Variants in SF1 observed in about 807,000 individuals in gnomAD.
SF1 encodes branch point-binding protein.
Under a neutral mutation model 62.5 loss-of-function variants are expected in SF1, and 7 were observed. That is an observed-to-expected ratio of 0.11 (90% CI 0.06 to 0.21). The LOEUF (loss-of-function observed/expected upper bound fraction) is 0.21. Among genes scored for constraint, SF1 ranks in the 10% least tolerant of loss-of-function variants. SF1 has a pLI of 1.00. For synonymous variants in SF1, 394 were observed against 323.6 expected (o/e 1.22, Z -2.33); for missense variants, 578 against 884.0 (o/e 0.65, Z 4.39).
At chr11:64,766,624 C>G (rs2058691383) in intron 12 of SF1, 1 of 429,312 alleles carries the variant, frequency 2.3e-6, no homozygotes, top group Non-Finnish European at 4.1e-6. Flanking sequence ...GCTCACTCAG[C>G]CTGCGAGGGT....
rs1410215543 is a variant in SF1 at position 64,776,436 on chromosome 11, A to G, written c.160+62T>C. The G allele has an allele frequency of 3.9e-6, 6 of 1,538,948 alleles. No homozygotes were observed. The East Asian group carries it at 1.1e-4, about 29-fold the overall frequency. ...AATCTCAAACTTTCAAAAAATGCAG[A>G]TCTTGCTCAGAATAAATCGTAACAA... On this transcript the variant is annotated intron_variant, in intron 2 of 12. Transcript: ENST00000377390.
rs1938516412 is a variant in SF1, at chr11:64,772,653, T to TA, written c.236+776dup. On this transcript the variant is annotated intron_variant, in intron 3 of 12. Transcript: ENST00000377390. ...GGGAGAGACTTACTGCCCTTCTAAT[T>TA]AAATGACCAATTTTAGCTGTTCAAT... is the stretch of plus-strand genomic sequence containing the variant. 3.0e-6 allele frequency: 3 copies of TA among 985,278 alleles called. No homozygotes were observed. The African/African-American group carries it at 5.2e-5, about 17-fold the overall frequency. The allele number at this position is 985,278 out of a possible 1,614,324, so 61.0% of individuals were successfully genotyped here.
chr11:64,774,921 A>T (rs1938922126), intron 2 of SF1, among the ~76,000 whole-genome samples: 1 of 150,500 alleles, frequency 6.6e-6, no homozygotes, highest in African/African-American at 2.5e-5. Context: ...AGATCGCACC[A>T]CTACACTCCA....
chr11:64,767,347 T>C (rs1206894630), intron 10 of SF1, 96 bp from the exon 11 acceptor site: 1 of 1,285,470 alleles, frequency 7.8e-7, no homozygotes, highest in African/African-American at 1.5e-5. Context: ...TTACGCGAGT[T>C]CTGAAAACCA....
In SF1 at chr11:64,765,249, C is replaced by T; in HGVS notation, c.*569G>A. On this transcript the variant is annotated 3_prime_UTR_variant, in exon 13 of 13. Transcript: ENST00000377390. ...GAAGGGAAAGGAATCTAAATTGCAG[C>T]AGAAGACCGGGGAGAGCATCTCCTT... 2 of 488,308 alleles carry T rather than the reference C, an allele frequency of 4.1e-6. No individual in the cohort carries two copies. Among genetic ancestry groups the T allele is most frequent in the East Asian group, 6.8e-5 (2 of 29,620 alleles). 30.2% of individuals were successfully genotyped at this position (488,308 alleles called of 1,614,324 possible).
intron 1 of SF1, chr11:64,777,903 A>G (rs573202326): frequency 1.3e-5 from 12 of 946,492 alleles, no homozygotes; most frequent in Admixed American, 6.4e-5. Context: ...TGCCGCGTGC[A>G]GCCGCCGTCG....
In SF1 at chr11:64,778,502, C is replaced by CGCGGATCT. The variant is rs1939793047; in HGVS notation, c.-111_-110insAGATCCGC. 10 of 1,191,874 alleles carry CGCGGATCT rather than the reference C, an allele frequency of 8.4e-6. No individual in the cohort carries two copies. Among genetic ancestry groups the CGCGGATCT allele is most frequent in the Non-Finnish European group, 9.4e-6 (9 of 962,326 alleles). The allele number at this position is 1,191,874 out of a possible 1,614,324, so 73.8% of individuals were successfully genotyped here. A position where few individuals can be genotyped will look rare whatever the true frequency, so the allele number is the denominator to read the frequency against. On this transcript the variant is annotated 5_prime_UTR_variant, in exon 1 of 13. Transcript: ENST00000377390. ...AATGCGCTGCCGGAGCGCGCGGAGC[C>CGCGGATCT]CGTCCTCTCACGCGGCGGGCGGCGG...
chr11:64,777,795 C>A (rs1336072035), intron 1 of SF1: 12 of 981,798 alleles, frequency 1.2e-5, no homozygotes, highest in Non-Finnish European at 1.5e-5. Flanking sequence ...CCCAGCCCTC[C>A]CCCCACAGCG....
At chr11:64,768,411 T>C in intron 8 of SF1, 125 bp from the exon 9 acceptor site, 1 of 844,016 alleles carries the variant, frequency 1.2e-6, no homozygotes, top group Non-Finnish European at 1.9e-6. Context: ...TCACACATCT[T>C]TCTAACCCCT....
At chr11:64,766,200 CGCGGCTGTCT>C (rs770730356) in intron 12 of SF1, 45 bp from the exon 13 acceptor site, 53 of 1,512,850 alleles carry the variant, frequency 3.5e-5, no homozygotes, top group Admixed American at 5.2e-5. Context: ...GGGGGCACAC[CGCGGCTGTCT>C]GCGGCTGCTG....
rs541692754 is a variant in SF1, at chr11:64,777,847, C to A, written c.31+515G>T. ...GCCCTAGAACCAGGCCGCGCGCGCC[C>A]AGGGGCGCCTCCGCCCGGGCCTCCC... On this transcript the variant is annotated intron_variant, in intron 1 of 12. Transcript: ENST00000377390. 1.3e-5 allele frequency: 12 copies of A among 953,020 alleles called. No individual in the cohort carries two copies. The Admixed American group carries it at 7.5e-4, about 60-fold the overall frequency. The allele number at this position is 953,020 out of a possible 1,614,324, so 59.0% of individuals were successfully genotyped here.
At chr11:64,777,248 A>G (rs7111870) in intron 1 of SF1, among the ~76,000 whole-genome samples, 8,943 of 152,184 alleles carry the variant, frequency 0.059, 826 homozygotes, top group African/African-American at 0.2. Flanking sequence ...AACAACCTAT[A>G]CAATAGCAGC....
At position 64,773,301 on chromosome 11, in the gene SF1, C is replaced by T. The variant is rs1000356158; in HGVS notation, c.236+129G>A. 2.7e-6 allele frequency: 4 copies of T among 1,469,518 alleles called. No homozygotes were observed. In the African/African-American group the frequency reaches 4.4e-5, roughly 16 times the overall value. The allele number at this position is 1,469,518 out of a possible 1,614,324, so 91.0% of individuals were successfully genotyped here. On this transcript the variant is annotated intron_variant, in intron 3 of 12. Transcript: ENST00000377390. ...ACATATTTCTAATTAAACCTTAATC[C>T]CCAAAGTGGTCAGGGTACAGTCGTC...
intron 3 of SF1, chr11:64,770,654 G>A (rs1322482041): frequency 2.7e-6 from 1 of 367,988 alleles, no homozygotes; most frequent in East Asian, 4.3e-5. Flanking sequence ...TAGAAGTGAT[G>A]AGAGGAAAAA....
At position 64,778,344 on chromosome 11, in the gene SF1, C is replaced by T. The variant is rs754426174; in HGVS notation, c.31+18G>A. The T allele has an allele frequency of 4.9e-6, 6 of 1,226,094 alleles. No homozygotes were observed. Among genetic ancestry groups the T allele is most frequent in the Non-Finnish European group, 5.1e-6 (5 of 983,654 alleles). The allele number at this position is 1,226,094 out of a possible 1,614,324, so 76.0% of individuals were successfully genotyped here. ...TTGGGCCCGGGGAGCGGGGGCAGCC[C>T]GGGGGGGCCCAGCTTACCCAACGGC... On this transcript the variant is annotated intron_variant, in intron 1 of 12. Coordinates refer to ENST00000377390, the MANE Select transcript of SF1 (RefSeq NM_004630.4).
Position 64,767,630 on chromosome 11 carries a change from G to A in SF1, c.1283C>T (p.Pro428Leu), listed in dbSNP as rs1396677775. 6.3e-7 allele frequency: 1 copy of A among 1,593,124 alleles called. No homozygotes were observed. The highest frequency in any genetic ancestry group is 8.5e-7 in the Non-Finnish European group (1 of 1,170,090). Residue 428 changes from proline (P) to leucine (L), a missense_variant, in exon 10 of 13, where the codon CCA (proline) becomes CTA (leucine). Pro to Leu is a moderately conservative substitution (Grantham distance 98, BLOSUM62 -3). Coordinates refer to ENST00000377390, the MANE Select transcript of SF1 (RefSeq NM_004630.4). ...GGGGCCCTGGTTCATCGGTGGTGGT[G>A]GTGGCTGCATCCAAGGGGGTGGGGG... ...NGPPPPWMQPPPPPMNQGPHP... is the reference protein window; with the variant it reads ...NGPPPPWMQPLPPPMNQGPHP...
chr11:64,770,114 T>C, intron 4 of SF1, 61 bp from the exon 5 acceptor site: 1 of 1,578,386 alleles, frequency 6.3e-7, no homozygotes, highest in Non-Finnish European at 8.7e-7. Context: ...CAGCGGCTTT[T>C]CTAAAACCAA....
chr11:64,776,274 C>A (rs1939227281), intron 2 of SF1: 8 of 481,798 alleles, frequency 1.7e-5, no homozygotes, highest in South Asian at 1.6e-4. Context: ...TGAAACCCTA[C>A]CTTCCTGATA....
chr11:64,766,874 C>G lies in SF1; in HGVS notation c.1582+26G>C, dbSNP rs757568472. 6.6e-6 allele frequency: 9 copies of G among 1,368,362 alleles called. No homozygotes were observed. In the South Asian group the frequency reaches 1.2e-4, roughly 18 times the overall value. 84.8% of individuals were successfully genotyped at this position (1,368,362 alleles called of 1,614,324 possible). A position where few individuals can be genotyped will look rare whatever the true frequency, so the allele number is the denominator to read the frequency against. On this transcript the variant is annotated intron_variant, in intron 12 of 12. Transcript: ENST00000377390. ...AGCCCCACCCCCATCCCACCCACCC[C>G]CACAAGCCCAAAATATTCTACTCAC...
Sources: gnomAD v4.1 joint callset for allele counts (sites outside exome capture counted in the v4.1 genomes callset) on GRCh38, gnomAD v4.1.1 for gene constraint, MANE v1.5 for transcripts, NCBI Gene and HGNC (gene_info 2026-07-23, HGNC 2026-07-21) for gene names.